The following MAF variants were observed in gnomAD, a reference collection of about 807,000 sequenced individuals.
The protein encoded by MAF is MAF bZIP transcription factor.
A neutral mutation model predicts 22.0 loss-of-function variants in MAF; 10 were observed. The ratio of observed to expected loss-of-function variants is 0.45; its 90% confidence interval spans 0.28 to 0.77. The LOEUF is 0.77. Among genes scored for constraint, MAF ranks in the 30% least tolerant of loss-of-function variants. The probability of loss-of-function intolerance (pLI) is 0.12; values close to 1 mark genes in which losing one functional copy is unlikely to be tolerated. For missense variants in MAF, 544 were observed against 548.4 expected, an observed-to-expected ratio of 0.99 and a Z score of 0.08; for synonymous variants, 337 against 255.8, an observed-to-expected ratio of 1.32 and a Z score of -3.03.
the MAF span, among the ~76,000 whole-genome samples, chr16:79,243,937 G>A: frequency 1.1e-4 from 16 of 151,852 alleles, 1 homozygote; most frequent in East Asian, 3.9e-4. Context: ...AACATAATCC[G>A]TTACATAAAC....
the MAF span, among the ~76,000 whole-genome samples, chr16:79,368,071 G>A: frequency 6.6e-6 from 1 of 152,194 alleles, no homozygotes; most frequent in Non-Finnish European, 1.5e-5. Flanking sequence ...GAGGCTAGAG[G>A]CTTCCCCGTC....
At chr16:79,448,932 C>G in the MAF span, among the ~76,000 whole-genome samples, 3 of 152,184 alleles carry the variant, frequency 2.0e-5, no homozygotes, top group South Asian at 2.1e-4. Context: ...ATTTATTGTG[C>G]ACTTTATTTC....
In MAF at chr16:79,599,587, G is replaced by C; in HGVS notation, c.316C>G (p.Leu106Val). 1.2e-6 allele frequency: 2 copies of C among 1,607,054 alleles called. No homozygotes were observed. Among genetic ancestry groups the C allele is most frequent in the Non-Finnish European group, 1.7e-6 (2 of 1,177,608 alleles). Residue 106 changes from leucine (L) to valine (V), a missense_variant, in exon 1 of 2, where the codon CTG (leucine) becomes GTG (valine). Physicochemically the swap from Leu to Val is conservative, Grantham distance 32. This residue lies in a region of MAF where 342 missense variants were observed against 315.5 expected (regional missense o/e 1.08). Transcript: ENST00000326043. ...ACCGCGTCCTCGGGGCTGAAGCCCA[G>C]CGCCTCGGGGTTCAGCTGCTGCGGG... ...GYPQQLNPEA[L>V]GFSPEDAVEA...
the MAF span, among the ~76,000 whole-genome samples, chr16:79,565,350 T>C: frequency 6.6e-6 from 1 of 152,164 alleles, no homozygotes; most frequent in Non-Finnish European, 1.5e-5. Context: ...GAAACCTAAA[T>C]GATTGACTAC....
chr16:79,598,455 T>TAAAA lies in MAF; in HGVS notation c.1118+326_1118+329dup, dbSNP rs533404316. Reference sequence around the variant, plus strand: ...AGTCCGGGGGTGGGGCGGGGGGGTGTAAAAAAAAAAAAAAAACAAGCTAGC... The same window carrying TAAAA: ...AGTCCGGGGGTGGGGCGGGGGGGTGTAAAAAAAAAAAAAAAAAAAACAAGCTAGC... On this transcript the variant is annotated intron_variant, in intron 1 of 1. Transcript: ENST00000326043. 4,931 of 1,082,316 alleles carry TAAAA rather than the reference T, an allele frequency of 4.6e-3. 1 individual carries two copies. Among genetic ancestry groups the TAAAA allele is most frequent in the Middle Eastern group, 9.8e-3 (25 of 2,564 alleles). The allele number at this position is 1,082,316 out of a possible 1,614,324, so 67.0% of individuals were successfully genotyped here.
the MAF span, among the ~76,000 whole-genome samples, chr16:79,389,758 C>T: frequency 2.4e-4 from 36 of 151,876 alleles, 1 homozygote; most frequent in African/African-American, 7.2e-4. Flanking sequence ...GGGCGGATCA[C>T]GAGGTCAAGA....
At chr16:79,574,682 T>C in the MAF span, among the ~76,000 whole-genome samples, 1 of 152,024 alleles carries the variant, frequency 6.6e-6, no homozygotes, top group Non-Finnish European at 1.5e-5. Context: ...ATGGCTGCTT[T>C]AGTGGCTAAG....
At chr16:79,223,944 G>A in the MAF span, among the ~76,000 whole-genome samples, 1 of 152,110 alleles carries the variant, frequency 6.6e-6, no homozygotes, top group African/African-American at 2.4e-5. Flanking sequence ...AAGAGGAGCT[G>A]GTACCATACC....
chr16:79,276,785 G>A, the MAF span, among the ~76,000 whole-genome samples: 2 of 152,144 alleles, frequency 1.3e-5, no homozygotes, highest in Admixed American at 1.3e-4. Context: ...TAAAACGCAT[G>A]GCCTAGAACA....
At chr16:79,509,302 C>G in the MAF span, among the ~76,000 whole-genome samples, 1 of 152,174 alleles carries the variant, frequency 6.6e-6, no homozygotes, top group East Asian at 1.9e-4. Context: ...CCTCTAGGCC[C>G]TGGTTGTGAT....
downstream of MAF, among the ~76,000 whole-genome samples, chr16:79,592,393 G>C: frequency 6.6e-6 from 1 of 152,212 alleles, no homozygotes; most frequent in East Asian, 1.9e-4. Context: ...CTGGGGCGGA[G>C]CAATGCCTGG....
chr16:79,444,568 G>C, the MAF span, among the ~76,000 whole-genome samples: 1 of 152,156 alleles, frequency 6.6e-6, no homozygotes, highest in Admixed American at 6.5e-5. Flanking sequence ...AGACAGGATG[G>C]GCAAAGTGTA....
chr16:79,553,338 G>T, the MAF span, among the ~76,000 whole-genome samples: 2 of 152,196 alleles, frequency 1.3e-5, no homozygotes, highest in Non-Finnish European at 2.9e-5. Flanking sequence ...AATGGAGCCT[G>T]GTCTCTCTGG....
rs1371862356 is a variant in MAF at position 79,595,002 on chromosome 16, C to T, written c.1119-449G>A. 2.8e-6 allele frequency: 3 copies of T among 1,070,114 alleles called. No individual in the cohort carries two copies. The East Asian group carries it at 1.5e-4, about 54-fold the overall frequency. 66.3% of individuals were successfully genotyped at this position (1,070,114 alleles called of 1,614,324 possible). A position where few individuals can be genotyped will look rare whatever the true frequency, so the allele number is the denominator to read the frequency against. On this transcript the variant is annotated intron_variant, in intron 1 of 1. Transcript: ENST00000326043. ...CATGAGATAACTGCAATAACTACAT[C>T]CAGAATATCACTCTTATTTTGAGAA...
chr16:79,551,111 C>A, the MAF span, among the ~76,000 whole-genome samples: 1 of 152,108 alleles, frequency 6.6e-6, no homozygotes, highest in African/African-American at 2.4e-5. Flanking sequence ...TAGTCTCCTT[C>A]CTTGAGGAAC....
chr16:79,227,964 C>CTT, the MAF span, among the ~76,000 whole-genome samples: 1 of 152,074 alleles, frequency 6.6e-6, no homozygotes, highest in Non-Finnish European at 1.5e-5. Context: ...ACTGCTATGG[C>CTT]ACAATTATAG....
chr16:79,404,269 T>C, the MAF span, among the ~76,000 whole-genome samples: 1 of 149,398 alleles, frequency 6.7e-6, no homozygotes, highest in African/African-American at 2.5e-5. Flanking sequence ...GTTCAAGCAA[T>C]TCTCCTGCCT....
the MAF span, among the ~76,000 whole-genome samples, chr16:79,553,101 A>C: frequency 6.6e-6 from 1 of 152,238 alleles, no homozygotes; most frequent in Non-Finnish European, 1.5e-5. Context: ...CCAACTTGGC[A>C]GAGTTGAGAG....
chr16:79,446,164 G>T, the MAF span, among the ~76,000 whole-genome samples: 1 of 152,200 alleles, frequency 6.6e-6, no homozygotes, highest in Non-Finnish European at 1.5e-5. Flanking sequence ...ATCAATGGAA[G>T]GGGATATGTC....
Sources: allele counts gnomAD v4.1 joint callset (sites outside exome capture counted in the v4.1 genomes callset), GRCh38; gene constraint gnomAD v4.1.1; regional missense constraint gnomAD v4.1.1; transcripts MANE v1.5; gene names NCBI Gene and HGNC (gene_info 2026-07-23, HGNC 2026-07-21).